Variants in RBM47 observed in about 807,000 individuals in gnomAD.
RBM47 encodes the protein RNA binding motif protein 47.
In RBM47, 21 loss-of-function variants were observed where a neutral mutation model predicts 47.1. The ratio of observed to expected loss-of-function variants is 0.45; its 90% CI spans 0.32 to 0.64. The LOEUF is 0.64. Among genes scored for constraint, RBM47 ranks in the 30% least tolerant of loss-of-function variants. RBM47 has a pLI of 0.05. For synonymous variants in RBM47, 375 were observed against 361.7 expected, an observed-to-expected ratio of 1.04 and a Z score of -0.42; for missense variants, 708 against 870.9, an observed-to-expected ratio of 0.81 and a Z score of 2.35.
At chr4:40,437,073 CA>C (rs750922605) in intron 4 of RBM47, among the ~76,000 whole-genome samples, 626 of 21,268 alleles carry the variant, frequency 0.029, 74 homozygotes, top group African/African-American at 0.086. Context: ...GACCCTGTCT[CA>C]AAAAAAAAAA....
chr4:40,589,464 C>G (rs1400660247), intron 1 of RBM47, among the ~76,000 whole-genome samples: 3 of 151,778 alleles, frequency 2.0e-5, no homozygotes, highest in African/African-American at 7.3e-5. Context: ...GCTCTGTCTC[C>G]CAGAGCCTGC....
intron 1 of RBM47, among the ~76,000 whole-genome samples, chr4:40,624,755 A>C (rs1195372124): frequency 2.0e-5 from 3 of 152,176 alleles, no homozygotes; most frequent in Non-Finnish European, 2.9e-5. Context: ...AGATGGGCCT[A>C]ATCTTGGCAA....
chr4:40,464,733 A>C (rs182456035), intron 3 of RBM47, among the ~76,000 whole-genome samples: 207 of 150,110 alleles, frequency 1.4e-3, no homozygotes, highest in African/African-American at 4.9e-3. Flanking sequence ...TAAAAATACA[A>C]AAAAAAAATT....
chr4:40,465,113 A>G (rs554418460), intron 3 of RBM47, among the ~76,000 whole-genome samples: 2 of 152,208 alleles, frequency 1.3e-5, no homozygotes, highest in East Asian at 1.9e-4. Context: ...CCTGAATTCA[A>G]TGGACTAAAT....
At chr4:40,556,586 C>A (rs1730113370) in intron 1 of RBM47, among the ~76,000 whole-genome samples, 1 of 152,008 alleles carries the variant, frequency 6.6e-6, no homozygotes, top group African/African-American at 2.4e-5. Flanking sequence ...CTAATACATT[C>A]TTTTTAAGAT....
intron 1 of RBM47, among the ~76,000 whole-genome samples, chr4:40,578,124 T>C (rs1009698867): frequency 6.6e-6 from 1 of 152,234 alleles, no homozygotes; most frequent in Non-Finnish European, 1.5e-5. Context: ...AGTTGTTGTC[T>C]GACCTTCTCA....
intron 2 of RBM47, among the ~76,000 whole-genome samples, chr4:40,495,399 G>T (rs1722433183): frequency 6.6e-6 from 1 of 151,996 alleles, no homozygotes; most frequent in South Asian, 2.1e-4. Flanking sequence ...GCCAGGAGTT[G>T]GAGAACAGCT....
chr4:40,566,288 G>A (rs949505789), intron 1 of RBM47, among the ~76,000 whole-genome samples: 1 of 152,164 alleles, frequency 6.6e-6, no homozygotes, highest in African/African-American at 2.4e-5. Flanking sequence ...ATAAGTCACT[G>A]ACCAAAAGCC....
intron 2 of RBM47, among the ~76,000 whole-genome samples, chr4:40,474,279 G>A (rs1719308370): frequency 6.6e-6 from 1 of 152,148 alleles, no homozygotes; most frequent in Non-Finnish European, 1.5e-5. Context: ...AAGCAGCACT[G>A]ACTTATACAG....
intron 1 of RBM47, among the ~76,000 whole-genome samples, chr4:40,596,608 T>C (rs1281232344): frequency 6.6e-6 from 1 of 152,208 alleles, no homozygotes; most frequent in African/African-American, 2.4e-5. Context: ...TAACATTGTA[T>C]TTATGGACAA....
chr4:40,464,564 G>A (rs1287509817), intron 3 of RBM47, among the ~76,000 whole-genome samples: 2 of 151,998 alleles, frequency 1.3e-5, no homozygotes, highest in African/African-American at 4.8e-5. Context: ...CTGAAACCGA[G>A]AAAAGTGAAA....
intron 1 of RBM47, among the ~76,000 whole-genome samples, chr4:40,574,827 G>A (rs1055777252): frequency 2.6e-5 from 4 of 152,160 alleles, no homozygotes; most frequent in African/African-American, 4.8e-5. Context: ...TCTAGCCTGG[G>A]CAACAGAGTG....
At position 40,611,537 on chromosome 4, in the gene RBM47, A is replaced by G. The variant is rs536550812; in HGVS notation, c.-240+17859T>C. On this transcript the variant is annotated intron_variant, in intron 1 of 6. Transcript: ENST00000295971. ...CTGAGGTCAGTAGTTCGAGGCTAAC[A>G]TGGAGAAACCCTGCCTCTACTAAAA... Among the ~76,000 whole-genome samples the G allele has an allele frequency of 1.4e-4, 22 of 151,860 alleles. No individual in the cohort carries two copies. The East Asian group carries it at 3.9e-3, about 27-fold the overall frequency.
At chr4:40,498,733 T>G (rs1332626461) in intron 2 of RBM47, among the ~76,000 whole-genome samples, 1 of 151,568 alleles carries the variant, frequency 6.6e-6, no homozygotes, top group Non-Finnish European at 1.5e-5. Flanking sequence ...TGCTAGCTTT[T>G]GATTGCAAGA....
rs144308001 is a variant in RBM47 at position 40,487,187 on chromosome 4, G to A, written c.-154-20488C>T. On this transcript the variant is annotated intron_variant, in intron 2 of 6. Coordinates refer to ENST00000295971, the MANE Select transcript of RBM47 (RefSeq NM_001098634.2). ...TTCATGGGGATTGGCAGATGGAACC[G>A]AAAGCAACAAAAAAGACCCCAAAGG... 4.6e-5 allele frequency among the ~76,000 whole-genome samples: 7 copies of A among 152,224 alleles called. No homozygotes were observed. The East Asian group carries it at 7.7e-4, about 17-fold the overall frequency.
intron 1 of RBM47, among the ~76,000 whole-genome samples, chr4:40,576,388 T>G (rs1732342468): frequency 6.6e-6 from 1 of 151,860 alleles, no homozygotes; most frequent in Non-Finnish European, 1.5e-5. Context: ...ACTCCTAGCC[T>G]GAGCAACATA....
intron 2 of RBM47, among the ~76,000 whole-genome samples, chr4:40,485,313 A>C (rs1720927944): frequency 6.6e-6 from 1 of 152,264 alleles, no homozygotes; most frequent in Non-Finnish European, 1.5e-5. Flanking sequence ...CTTAAAGCTC[A>C]ATCTTGTTAC....
At chr4:40,479,773 G>A (rs935972738) in intron 2 of RBM47, among the ~76,000 whole-genome samples, 1 of 151,980 alleles carries the variant, frequency 6.6e-6, no homozygotes, top group African/African-American at 2.4e-5. Context: ...AAGTAGCTGG[G>A]ACTACAGCTG....
At chr4:40,464,107 T>C (rs978495294) in intron 3 of RBM47, among the ~76,000 whole-genome samples, 1 of 152,224 alleles carries the variant, frequency 6.6e-6, no homozygotes, top group Admixed American at 6.5e-5. Flanking sequence ...ATGAACATAA[T>C]AGTATATATT....
Sources: allele counts gnomAD v4.1 joint callset (sites outside exome capture counted in the v4.1 genomes callset), GRCh38; gene constraint gnomAD v4.1.1; transcripts MANE v1.5; gene names NCBI Gene and HGNC (gene_info 2026-07-23, HGNC 2026-07-21).